The following AOX1 variants were observed in gnomAD, a reference collection of about 807,000 sequenced individuals.
The protein encoded by AOX1 is aldehyde oxidase 1, also known as aldehyde oxidase.
In AOX1, 153 loss-of-function variants were observed where a neutral mutation model predicts 169.5. The observed-to-expected ratio is 0.90, with a 90% confidence interval of 0.79 to 1.03. The LOEUF (loss-of-function observed/expected upper bound fraction) is 1.03. Among genes scored for constraint, AOX1 ranks in the 50% least tolerant of loss-of-function variants. The pLI, the probability that AOX1 is intolerant of heterozygous loss-of-function variation, is 0.00. For synonymous variants in AOX1, 562 were observed against 581.9 expected (o/e 0.97, Z 0.49); for missense variants, 1,656 against 1,663.9 (o/e 1.00, Z 0.08).
intron 12 of AOX1, among the ~76,000 whole-genome samples, 187 bp downstream of exon 12, chr2:200,609,601 T>C (rs560154792): frequency 1.0e-3 from 153 of 152,338 alleles, no homozygotes; most frequent in African/African-American, 3.2e-3. Context: ...CCCCTGTGTC[T>C]TTCTGGTTTT....
Position 200,668,606 on chromosome 2 carries a change from T to A in AOX1, c.3610-9T>A. 1 of 1,590,248 alleles carries A rather than the reference T, an allele frequency of 6.3e-7. No homozygotes were observed. Among genetic ancestry groups the A allele is most frequent in the Non-Finnish European group, 8.6e-7 (1 of 1,168,610 alleles). On this transcript the variant is annotated splice_polypyrimidine_tract_variant and intron_variant, in intron 32 of 34. Transcript: ENST00000374700. ...ATACGTGGAAATTCTTTTTTTGTTC[T>A]TGCCTCAGATTGAAGGTGCATTTAT...
chr2:200,668,783 A>G lies in AOX1; in HGVS notation c.3778A>G (p.Asn1260Asp). The G allele has an allele frequency of 6.2e-7, 1 of 1,614,048 alleles. No homozygotes were observed. The highest frequency in any genetic ancestry group is 8.5e-7 in the Non-Finnish European group (1 of 1,179,962). ...IALLPPSQNS[N>D]TLYSSKGLGE... is the part of the protein sequence containing the mutation. ...TTTGTTGCCTCCTTCTCAAAACTCA[A>G]ATACTCTTTATTCATCTAAGGTAAG... is the stretch of plus-strand genomic sequence containing the variant. The change falls in exon 33 of 35, where the codon AAT (asparagine) becomes GAT (aspartate). Residue 1260 changes from asparagine (N) to aspartate (D), a missense_variant. Physicochemically the swap from Asn to Asp is conservative, Grantham distance 23. Coordinates refer to ENST00000374700, the MANE Select transcript of AOX1 (RefSeq NM_001159.4).
At chr2:200,601,451 T>C (rs1304612381) in intron 5 of AOX1, among the ~76,000 whole-genome samples, 1 of 152,146 alleles carries the variant, frequency 6.6e-6, no homozygotes, top group East Asian at 1.9e-4. Context: ...GCAGATGTTA[T>C]AGTAATCACA....
At chr2:200,598,282 G>A (rs1284107199) in intron 4 of AOX1, among the ~76,000 whole-genome samples, 1 of 152,092 alleles carries the variant, frequency 6.6e-6, no homozygotes, top group East Asian at 1.9e-4. Flanking sequence ...GAAAATTTCA[G>A]CTACCAAAAA....
intron 23 of AOX1, 141 bp downstream of exon 23, chr2:200,638,443 G>T: frequency 1.5e-6 from 1 of 688,482 alleles, no homozygotes; most frequent in Non-Finnish European, 2.5e-6. Context: ...ACTTTCTATT[G>T]GTTGCACTGA....
downstream of AOX1, among the ~76,000 whole-genome samples, chr2:200,674,254 A>G (rs990763860): frequency 2.0e-5 from 3 of 152,212 alleles, no homozygotes; most frequent in Non-Finnish European, 4.4e-5. Context: ...TACAATCCAG[A>G]TATGCAGTGT....
chr2:200,588,486 A>G (rs2034086101), intron 1 of AOX1, among the ~76,000 whole-genome samples: 1 of 152,092 alleles, frequency 6.6e-6, no homozygotes, highest in South Asian at 2.1e-4. Context: ...TGCTCTATTG[A>G]TTTTTAAAAT....
At position 200,612,664 on chromosome 2, in the gene AOX1, T is replaced by A. The variant is rs757243716; in HGVS notation, c.1319T>A (p.Ile440Lys). 1.2e-6 allele frequency: 2 copies of A among 1,614,124 alleles called. No individual in the cohort carries two copies. The highest frequency in any genetic ancestry group is 3.3e-5 in the Admixed American group (2 of 60,020). ...QAQRQENALA[I>K]VNSGMRVFFG... Reference sequence around the variant, plus strand: ...CAGCGACAGGAGAATGCGCTAGCGATAGTCAATTCAGGAATGAGAGTCTTT... The same window carrying A: ...CAGCGACAGGAGAATGCGCTAGCGAAAGTCAATTCAGGAATGAGAGTCTTT... The change falls in exon 14 of 35, where the codon ATA (isoleucine) becomes AAA (lysine). Residue 440 changes from isoleucine (I) to lysine (K), a missense_variant. Transcript: ENST00000374700.
In AOX1 at chr2:200,615,970, G is replaced by A. The variant is rs997269261; in HGVS notation, c.1612-1G>A. On this transcript the variant is annotated splice_acceptor_variant, in intron 15 of 34. Coordinates refer to ENST00000374700, the MANE Select transcript of AOX1 (RefSeq NM_001159.4). LOFTEE classifies it high-confidence loss of function. Reference sequence around the variant, plus strand: ...ATATCTGCAATGGTTCTACTTTTCAGGATCCAGTTCACTATCCTAGCCTTG... The same window carrying A: ...ATATCTGCAATGGTTCTACTTTTCAAGATCCAGTTCACTATCCTAGCCTTG... 1.9e-6 allele frequency: 3 copies of A among 1,610,514 alleles called. No individual in the cohort carries two copies. In the African/African-American group the frequency reaches 4.0e-5, roughly 22 times the overall value.
chr2:200,641,574 T>C (rs2035353089), intron 24 of AOX1, among the ~76,000 whole-genome samples: 1 of 152,112 alleles, frequency 6.6e-6, no homozygotes, highest in Non-Finnish European at 1.5e-5. Context: ...TTTTTTATTT[T>C]TATTTTTTGA....
intron 4 of AOX1, among the ~76,000 whole-genome samples, chr2:200,597,779 C>T (rs1428450714): frequency 5.3e-5 from 8 of 152,120 alleles, no homozygotes; most frequent in Non-Finnish European, 7.4e-5. Context: ...TGTTCTAATT[C>T]GATGGGACCT....
intron 20 of AOX1, among the ~76,000 whole-genome samples, chr2:200,631,244 T>C (rs2035120539): frequency 6.6e-6 from 1 of 152,218 alleles, no homozygotes; most frequent in Non-Finnish European, 1.5e-5. Context: ...GGCTACCTGA[T>C]TGACCAGGAT....
At chr2:200,591,325 G>A (rs148511568) in intron 1 of AOX1, among the ~76,000 whole-genome samples, 2 of 152,348 alleles carry the variant, frequency 1.3e-5, no homozygotes, top group East Asian at 3.9e-4. Context: ...GGAACAAAGA[G>A]GAGGATGGTT....
intron 22 of AOX1, among the ~76,000 whole-genome samples, chr2:200,637,899 A>G (rs980202534): frequency 1.3e-5 from 2 of 152,190 alleles, no homozygotes; most frequent in African/African-American, 4.8e-5. Flanking sequence ...TGGCCAGTCT[A>G]AAGACCTTGG....
chr2:200,662,254 A>G (rs1369487322), intron 30 of AOX1, among the ~76,000 whole-genome samples: 1 of 152,178 alleles, frequency 6.6e-6, no homozygotes, highest in Admixed American at 6.5e-5. Flanking sequence ...AGCATTTTTA[A>G]TGGCCACCTC....
In AOX1 at chr2:200,669,593, G is replaced by T. The variant is rs866719910; in HGVS notation, c.3817G>T (p.Val1273Leu). 1.2e-6 allele frequency: 2 copies of T among 1,613,890 alleles called. No homozygotes were observed. The highest frequency in any genetic ancestry group is 2.7e-5 in the African/African-American group (2 of 74,858). Reference protein sequence around the residue: ...YSSKGLGESGVFLGCSVFFAI... With the variant: ...YSSKGLGESGLFLGCSVFFAI... ...TTTCAAGGGTCTGGGAGAGTCGGGG[G>T]TGTTCCTGGGGTGTTCCGTGTTTTT... The change falls in exon 34 of 35, where the codon GTG (valine) becomes TTG (leucine). Residue 1273 changes from valine to leucine, a missense_variant. Transcript: ENST00000374700.
In AOX1 at chr2:200,651,078, TTCCTACTCCTTGAG is replaced by T. The variant is rs1559255719; in HGVS notation, c.2953_2966del (p.Ser985GlufsTer46). The T allele has an allele frequency of 5.0e-6, 8 of 1,614,224 alleles. No individual in the cohort carries two copies. The highest frequency in any genetic ancestry group is 6.8e-6 in the Non-Finnish European group (8 of 1,180,016). On this transcript the variant is annotated frameshift_variant, in exon 26 of 35. Coordinates refer to ENST00000374700, the MANE Select transcript of AOX1 (RefSeq NM_001159.4). LOFTEE classifies it high-confidence loss of function. Reference sequence around the variant, plus strand: ...GTTGGAGAGAATGTATGGCCATGTCTTCCTACTCCTTGAGGAAAGTTGCTGTGGAAAAGTTCAAT... The same window carrying T: ...GTTGGAGAGAATGTATGGCCATGTCTGAAAGTTGCTGTGGAAAAGTTCAAT...
chr2:200,679,299 G>A (rs2036133999), downstream of AOX1: 1 of 151,966 alleles, frequency 6.6e-6, no homozygotes, highest in Non-Finnish European at 1.5e-5. Context: ...TGGCTTTACT[G>A]TGTAAACTCT....
At chr2:200,595,130 A>G in intron 2 of AOX1, 142 bp from the exon 3 acceptor site, 1 of 460,250 alleles carries the variant, frequency 2.2e-6, no homozygotes. Context: ...ATAGTAATTA[A>G]GACATAAACA....
Sources: allele counts gnomAD v4.1 joint callset (sites outside exome capture counted in the v4.1 genomes callset), GRCh38; gene constraint gnomAD v4.1.1; transcripts MANE v1.5; gene names NCBI Gene and HGNC (gene_info 2026-07-23, HGNC 2026-07-21).